CEP85L: variants seen among roughly 807,000 people sequenced by gnomAD.
CEP85L encodes the protein centrosomal protein 85L, also known as centrosomal protein of 85 kDa-like.
A neutral mutation model predicts 100.3 loss-of-function variants in CEP85L; 60 were observed. That is an observed-to-expected ratio of 0.60 (90% CI 0.49 to 0.74). The LOEUF (loss-of-function observed/expected upper bound fraction) is 0.74. CEP85L is among the 30% of genes least tolerant of loss of function. CEP85L has a pLI of 0.00. For synonymous variants in CEP85L, 319 were observed against 322.7 expected, an observed-to-expected ratio of 0.99 and a Z score of 0.12; for missense variants, 973 against 936.2, an observed-to-expected ratio of 1.04 and a Z score of -0.51.
chr6:118,653,749 ATGTG>A (rs61103713), upstream of CEP85L, among the ~76,000 whole-genome samples: 89 of 148,262 alleles, frequency 6.0e-4, no homozygotes, highest in Middle Eastern at 3.5e-3. Context: ...GACTCTGTGT[ATGTG>A]TGTGTGTGTG....
chr6:118,567,241 GTGTGTGTGTATATATATATATATATA>G (rs1490984327), intron 2 of CEP85L, among the ~76,000 whole-genome samples: 13 of 38,154 alleles, frequency 3.4e-4, no homozygotes, highest in East Asian at 6.1e-4. Context: ...GTGTGTGTGT[GTGTGTGTGTATATATATATATATATA>G]TATATATATA....
intron 3 of CEP85L, among the ~76,000 whole-genome samples, chr6:118,558,652 C>CAGAG (rs1482465423): frequency 8.3e-5 from 11 of 132,900 alleles, no homozygotes; most frequent in African/African-American, 3.6e-4. Context: ...CACACACACA[C>CAGAG]ACACACACAG....
chr6:118,558,734 G>A (rs996493079), intron 3 of CEP85L: 2 of 630,982 alleles, frequency 3.2e-6, no homozygotes, highest in African/African-American at 3.7e-5. Flanking sequence ...CAATAGTGCT[G>A]AGGAAGATGA....
In CEP85L at chr6:118,502,405, G is replaced by C. The variant is rs1775363996; in HGVS notation, c.1257+8893C>G. 1.3e-5 allele frequency: 7 copies of C among 528,566 alleles called. 1 individual carries two copies. Among genetic ancestry groups the C allele is most frequent in the South Asian group, 1.2e-4 (7 of 60,822 alleles). 32.7% of individuals were successfully genotyped at this position (528,566 alleles called of 1,614,324 possible). A position where few individuals can be genotyped will look rare whatever the true frequency, so the allele number is the denominator to read the frequency against. Reference sequence around the variant, plus strand: ...AGTTTGCTGGATGTTTTAACAAAAGGAGGGGATTCCAGGGCCCTATAAGAG... The same window carrying C: ...AGTTTGCTGGATGTTTTAACAAAAGCAGGGGATTCCAGGGCCCTATAAGAG... On this transcript the variant is annotated intron_variant, in intron 5 of 12. Coordinates refer to ENST00000368491, the MANE Select transcript of CEP85L (RefSeq NM_001042475.3).
At chr6:118,647,173 T>G (rs183354657) in intron 1 of CEP85L, 2 of 497,102 alleles carry the variant, frequency 4.0e-6, no homozygotes, top group Non-Finnish European at 5.2e-6. Context: ...ATACCAGTTA[T>G]TACCACTATC....
intron 1 of CEP85L, among the ~76,000 whole-genome samples, chr6:118,669,920 C>T (rs1776244172): frequency 6.7e-6 from 1 of 149,852 alleles, no homozygotes; most frequent in South Asian, 2.1e-4. Context: ...CCCCAGATAA[C>T]TCATGTGTAA....
At chr6:118,682,771 GCA>G (rs201043236) in intron 1 of CEP85L, among the ~76,000 whole-genome samples, 2,207 of 138,230 alleles carry the variant, frequency 0.016, 29 homozygotes, top group African/African-American at 0.035. Context: ...GCCTGAGCAT[GCA>G]CACACACACA....
chr6:118,662,161 G>A (rs888827723), intron 1 of CEP85L, among the ~76,000 whole-genome samples: 14 of 152,178 alleles, frequency 9.2e-5, no homozygotes, highest in African/African-American at 9.7e-5. Context: ...AGGTATTATT[G>A]CATGCTAAGT....
At chr6:118,662,207 A>G (rs1283943583) in intron 1 of CEP85L, among the ~76,000 whole-genome samples, 2 of 152,164 alleles carry the variant, frequency 1.3e-5, no homozygotes. Context: ...GCAGCTTCCC[A>G]TTTCATCTTC....
chr6:118,558,061 C>T (rs989525254), intron 3 of CEP85L, among the ~76,000 whole-genome samples: 4 of 151,758 alleles, frequency 2.6e-5, no homozygotes, highest in Admixed American at 1.3e-4. Flanking sequence ...GCCTCCTGGG[C>T]TCCAGCGATC....
rs1017632626 is a variant in CEP85L, at chr6:118,624,572, T to C, written c.232+7881A>G. Among the ~76,000 whole-genome samples, 3 of 152,292 alleles carry C rather than the reference T, an allele frequency of 2.0e-5. No homozygotes were observed. In the South Asian group the frequency reaches 6.2e-4, roughly 32 times the overall value. On this transcript the variant is annotated intron_variant, in intron 2 of 12. Coordinates refer to ENST00000368491, the MANE Select transcript of CEP85L (RefSeq NM_001042475.3). The stretch of plus-strand genomic sequence containing the variant: ...CTCCTCCCCTTCCCAGAAACACTGA[T>C]GTAGTCTACTTCGAAAGGATATTGT...
chr6:118,476,873 G>C (rs1421793513), intron 10 of CEP85L, among the ~76,000 whole-genome samples: 1 of 152,186 alleles, frequency 6.6e-6, no homozygotes, highest in Non-Finnish European at 1.5e-5. Flanking sequence ...ACATTTTAAT[G>C]TCAGAGAAAA....
intron 5 of CEP85L, among the ~76,000 whole-genome samples, chr6:118,503,421 G>A (rs546574890): frequency 9.4e-4 from 143 of 152,186 alleles, no homozygotes; most frequent in African/African-American, 3.3e-3. Flanking sequence ...TTATTACTTA[G>A]TAGATTCAAT....
chr6:118,592,518 A>G (rs1490514688), intron 2 of CEP85L, among the ~76,000 whole-genome samples: 2 of 152,154 alleles, frequency 1.3e-5, no homozygotes. Flanking sequence ...TCTGGAAGTG[A>G]TGTTATTTGA....
intron 1 of CEP85L, among the ~76,000 whole-genome samples, chr6:118,665,695 C>G (rs1416124044): frequency 2.6e-5 from 4 of 152,076 alleles, no homozygotes; most frequent in Non-Finnish European, 4.4e-5. Context: ...GAATCCTGCC[C>G]AGCTTATAAT....
intron 2 of CEP85L, among the ~76,000 whole-genome samples, chr6:118,577,511 T>C (rs1390937683): frequency 1.3e-5 from 2 of 152,218 alleles, no homozygotes; most frequent in Non-Finnish European, 2.9e-5. Context: ...GATTTGAATC[T>C]GTATTGTTCT....
intron 2 of CEP85L, among the ~76,000 whole-genome samples, chr6:118,569,478 AAAAT>A (rs1241454093): frequency 1.3e-5 from 2 of 150,942 alleles, no homozygotes; most frequent in African/African-American, 2.4e-5. Flanking sequence ...TATATTCAAA[AAAAT>A]AAATAAATAA....
intron 3 of CEP85L, among the ~76,000 whole-genome samples, chr6:118,548,138 G>A (rs1417904310): frequency 1.3e-5 from 2 of 152,036 alleles, no homozygotes; most frequent in Non-Finnish European, 2.9e-5. Context: ...GAAGCACAAA[G>A]TGTTAATGAC....
chr6:118,693,667 T>A (rs772783678), intron 1 of CEP85L, among the ~76,000 whole-genome samples: 7 of 152,204 alleles, frequency 4.6e-5, no homozygotes, highest in Non-Finnish European at 7.3e-5. Flanking sequence ...CACCCAGAGA[T>A]ACAACCAAAA....
Sources: gnomAD v4.1 joint callset for allele counts (sites outside exome capture counted in the v4.1 genomes callset) on GRCh38, gnomAD v4.1.1 for gene constraint, MANE v1.5 for transcripts, NCBI Gene and HGNC (gene_info 2026-07-23, HGNC 2026-07-21) for gene names.